Variants in CLSTN2 observed in about 807,000 individuals in gnomAD.
The protein encoded by CLSTN2 is calsyntenin-2.
CLSTN2 carries 48 observed loss-of-function variants against 101.2 expected under a neutral mutation model. The ratio of observed to expected loss-of-function variants is 0.47; its 90% CI spans 0.38 to 0.60. The LOEUF (loss-of-function observed/expected upper bound fraction) is 0.60. Ranked by LOEUF, CLSTN2 falls within the 20% of genes least tolerant of loss-of-function variation. The pLI, the probability that CLSTN2 is intolerant of heterozygous loss-of-function variation, is 0.00. For synonymous variants in CLSTN2, 481 were observed against 463.6 expected (o/e 1.04, Z -0.48); for missense variants, 1,160 against 1,238.2 (o/e 0.94, Z 0.95).
intron 5 of CLSTN2, among the ~76,000 whole-genome samples, chr3:140,437,415 T>C (rs1193891951): frequency 6.6e-6 from 1 of 152,188 alleles, no homozygotes; most frequent in East Asian, 1.9e-4. Flanking sequence ...TCTAGGGAAA[T>C]TCAGCCCTTT....
intron 8 of CLSTN2, among the ~76,000 whole-genome samples, chr3:140,524,197 G>A (rs1268535399): frequency 6.6e-6 from 1 of 152,208 alleles, no homozygotes; most frequent in African/African-American, 2.4e-5. Flanking sequence ...CTAGGCTGTA[G>A]CATGGGAAAC....
intron 2 of CLSTN2, among the ~76,000 whole-genome samples, chr3:140,342,932 C>T (rs1363410150): frequency 2.6e-5 from 4 of 152,170 alleles, no homozygotes; most frequent in Non-Finnish European, 4.4e-5. Context: ...ACAAGAGAAC[C>T]AGGTGGAAAC....
chr3:140,411,392 A>G (rs769391964), intron 4 of CLSTN2, among the ~76,000 whole-genome samples: 10 of 152,276 alleles, frequency 6.6e-5, no homozygotes, highest in Non-Finnish European at 1.5e-4. Context: ...TTGTAAGTGC[A>G]TATGTACCCA....
chr3:140,400,205 A>G (rs1395876906), intron 2 of CLSTN2, among the ~76,000 whole-genome samples: 4 of 152,226 alleles, frequency 2.6e-5, no homozygotes, highest in African/African-American at 4.8e-5. Context: ...AGTTGAAGAC[A>G]TAACATGATT....
intron 8 of CLSTN2, among the ~76,000 whole-genome samples, chr3:140,503,763 G>C (rs946358760): frequency 1.3e-5 from 2 of 152,120 alleles, no homozygotes; most frequent in African/African-American, 4.8e-5. Flanking sequence ...AACAGTTAAA[G>C]ACAGCAGAAA....
At position 140,570,176 on chromosome 3, in the gene CLSTN2, T is replaced by C. The variant is rs1480200698; in HGVS notation, c.*3923T>C. ...TGTAAAGAGGCAAATAGTAAATATT[T>C]TGGGCTTTGTGAGCCATTTGGTACC... On this transcript the variant is annotated 3_prime_UTR_variant, in exon 17 of 17. Coordinates refer to ENST00000458420, the MANE Select transcript of CLSTN2 (RefSeq NM_022131.3). 1 of 152,222 alleles carries C rather than the reference T, an allele frequency of 6.6e-6. No homozygotes were observed. Among genetic ancestry groups the C allele is most frequent in the Admixed American group, 6.5e-5 (1 of 15,286 alleles). 9.4% of individuals were successfully genotyped at this position (152,222 alleles called of 1,614,324 possible). A position where few individuals can be genotyped will look rare whatever the true frequency, so the allele number is the denominator to read the frequency against.
At chr3:140,218,483 C>T (rs936288472) in intron 2 of CLSTN2, among the ~76,000 whole-genome samples, 5 of 152,134 alleles carry the variant, frequency 3.3e-5, no homozygotes, top group African/African-American at 1.2e-4. Context: ...AGCAGGTTGT[C>T]ATTAGAAGCA....
intron 2 of CLSTN2, among the ~76,000 whole-genome samples, chr3:140,328,027 C>A (rs2087347857): frequency 6.6e-6 from 1 of 152,166 alleles, no homozygotes; most frequent in African/African-American, 2.4e-5. Flanking sequence ...ATGGGAATCA[C>A]AAGAAGATGG....
intron 1 of CLSTN2, among the ~76,000 whole-genome samples, chr3:140,027,768 C>T (rs1190451320): frequency 6.6e-6 from 1 of 152,094 alleles, no homozygotes; most frequent in Non-Finnish European, 1.5e-5. Flanking sequence ...CTGACAAATC[C>T]CTGGGCTATA....
intron 7 of CLSTN2, among the ~76,000 whole-genome samples, chr3:140,460,833 C>G (rs1325175268): frequency 6.6e-6 from 1 of 152,166 alleles, no homozygotes; most frequent in East Asian, 1.9e-4. Flanking sequence ...ACAATCACAG[C>G]AGATGTAACA....
At chr3:140,298,648 T>C (rs996645567) in intron 2 of CLSTN2, among the ~76,000 whole-genome samples, 1 of 152,222 alleles carries the variant, frequency 6.6e-6, no homozygotes, top group African/African-American at 2.4e-5. Flanking sequence ...AGAAGACTCA[T>C]TCAGTTGTTC....
rs543749526 is a variant in CLSTN2 at position 140,027,741 on chromosome 3, C to T, written c.109+92258C>T. 2.0e-5 allele frequency among the ~76,000 whole-genome samples: 3 copies of T among 152,248 alleles called. No homozygotes were observed. The South Asian group carries it at 6.2e-4, about 32-fold the overall frequency. On this transcript the variant is annotated intron_variant, in intron 1 of 16. Transcript: ENST00000458420. ...TGTCATCCACAGTAAAGGAAGCCGCCACAGCTGATGCTTCTACTGACAAAT... is the reference window on the plus strand; with the variant it reads ...TGTCATCCACAGTAAAGGAAGCCGCTACAGCTGATGCTTCTACTGACAAAT...
chr3:140,295,023 G>A (rs966037985), intron 2 of CLSTN2, among the ~76,000 whole-genome samples: 4 of 152,100 alleles, frequency 2.6e-5, no homozygotes, highest in East Asian at 1.9e-4. Context: ...GGGGGTTAAG[G>A]TTTCAACATA....
At chr3:140,060,622 T>C (rs2008188330) in intron 1 of CLSTN2, among the ~76,000 whole-genome samples, 1 of 152,134 alleles carries the variant, frequency 6.6e-6, no homozygotes, top group African/African-American at 2.4e-5. Flanking sequence ...GATACCTGGC[T>C]CAGGGGAGGT....
intron 2 of CLSTN2, among the ~76,000 whole-genome samples, chr3:140,367,672 G>C (rs2107954729): frequency 6.6e-6 from 1 of 152,266 alleles, no homozygotes; most frequent in East Asian, 1.9e-4. Context: ...GAACTGTGAG[G>C]GTTGTGGGGC....
At chr3:140,472,267 C>A (rs969853050) in intron 8 of CLSTN2, among the ~76,000 whole-genome samples, 1 of 152,142 alleles carries the variant, frequency 6.6e-6, no homozygotes, top group African/African-American at 2.4e-5. Context: ...TGGGCCAGAG[C>A]CTTTGCTTAT....
chr3:140,378,297 T>C (rs901836465), intron 2 of CLSTN2, among the ~76,000 whole-genome samples: 4 of 152,224 alleles, frequency 2.6e-5, no homozygotes, highest in Admixed American at 2.6e-4. Flanking sequence ...CTGGATGACA[T>C]GTAGTAGATG....
chr3:140,564,773 C>T (rs1428722990), intron 16 of CLSTN2, among the ~76,000 whole-genome samples: 1 of 152,176 alleles, frequency 6.6e-6, no homozygotes, highest in Non-Finnish European at 1.5e-5. Flanking sequence ...AGCCAATAGT[C>T]AAATTTAAGG....
intron 2 of CLSTN2, among the ~76,000 whole-genome samples, chr3:140,233,397 A>G (rs773703378): frequency 6.6e-6 from 1 of 152,100 alleles, no homozygotes; most frequent in East Asian, 1.9e-4. Context: ...GCAGCACCCC[A>G]TGGCTATCTC....
Sources: allele counts gnomAD v4.1 joint callset (sites outside exome capture counted in the v4.1 genomes callset), GRCh38; gene constraint gnomAD v4.1.1; transcripts MANE v1.5; gene names NCBI Gene and HGNC (gene_info 2026-07-23, HGNC 2026-07-21).